Variants in NOS1 observed in about 807,000 individuals in gnomAD.
NOS1 encodes the protein nitric oxide synthase 1, also known as NOS type I.
NOS1 carries 51 observed loss-of-function variants against 164.5 expected under a neutral mutation model. That is an observed-to-expected ratio of 0.31 (90% CI 0.25 to 0.39). The LOEUF is 0.39. Among genes scored for constraint, NOS1 ranks in the 10% least tolerant of loss-of-function variants. NOS1 has a pLI of 1.00. For synonymous variants in NOS1, 719 were observed against 745.8 expected (o/e 0.96, Z 0.59); for missense variants, 1,362 against 1,885.6 (o/e 0.72, Z 5.14).
At chr12:117,323,962 T>A (rs868087207) in intron 2 of NOS1, among the ~76,000 whole-genome samples, 24 of 151,740 alleles carry the variant, frequency 1.6e-4, no homozygotes, top group East Asian at 7.7e-4. Flanking sequence ...TTTTTTTTTT[T>A]TATATTTAGC....
At chr12:117,244,814 T>C (rs914487640) in intron 18 of NOS1, among the ~76,000 whole-genome samples, 2 of 152,160 alleles carry the variant, frequency 1.3e-5, no homozygotes, top group African/African-American at 4.8e-5. Flanking sequence ...GACCACATAT[T>C]ATATGATTCC....
At position 117,215,165 on chromosome 12, in the gene NOS1, G is replaced by T; in HGVS notation, c.*144C>A. Reference sequence around the variant, plus strand: ...CAGGAGGGCCGAGGAAACCACTGAGGGGCGAGAAGCCCGAGGAGGGAAACC... The same window carrying T: ...CAGGAGGGCCGAGGAAACCACTGAGTGGCGAGAAGCCCGAGGAGGGAAACC... On this transcript the variant is annotated 3_prime_UTR_variant, in exon 29 of 29. Coordinates refer to ENST00000317775, the MANE Select transcript of NOS1 (RefSeq NM_000620.5). 7.5e-7 allele frequency: 1 copy of T among 1,328,788 alleles called. No homozygotes were observed. 82.3% of individuals were successfully genotyped at this position (1,328,788 alleles called of 1,614,324 possible). A position where few individuals can be genotyped will look rare whatever the true frequency, so the allele number is the denominator to read the frequency against.
At chr12:117,262,616 G>A (rs1280246040) in intron 13 of NOS1, among the ~76,000 whole-genome samples, 1 of 152,028 alleles carries the variant, frequency 6.6e-6, no homozygotes, top group African/African-American at 2.4e-5. Context: ...CTTGTCTCTG[G>A]GGCCCATGGC....
rs770311713 is a variant in NOS1, at chr12:117,333,530, T to TG, written c.-420-2042dup. 5.9e-5 allele frequency among the ~76,000 whole-genome samples: 9 copies of TG among 151,768 alleles called. No homozygotes were observed. The South Asian group carries it at 1.0e-3, about 18-fold the overall frequency. On this transcript the variant is annotated intron_variant, in intron 1 of 28. Transcript: ENST00000317775. ...GGTGCCACCTCCTGGATCCCCTCAATGGGGGGGTGTGTGGGGGGGATAATT... is the reference window on the plus strand; with the variant it reads ...GGTGCCACCTCCTGGATCCCCTCAATGGGGGGGGTGTGTGGGGGGGATAATT...
At chr12:117,256,878 C>G (rs535407838) in intron 16 of NOS1, among the ~76,000 whole-genome samples, 1 of 151,872 alleles carries the variant, frequency 6.6e-6, no homozygotes, top group African/African-American at 2.4e-5. Context: ...TCGAGACCAG[C>G]CTGGCAAACA....
intron 1 of NOS1, 65 bp from the exon 2 acceptor site, chr12:117,331,554 A>G (rs926830953): frequency 6.5e-6 from 1 of 154,204 alleles, no homozygotes; most frequent in African/African-American, 2.4e-5. Context: ...AGAGTGCCCA[A>G]CACCACCTTG....
chr12:117,357,437 C>T (rs1474189945), intron 1 of NOS1, among the ~76,000 whole-genome samples: 1 of 152,136 alleles, frequency 6.6e-6, no homozygotes, highest in Admixed American at 6.5e-5. Context: ...CTTTAAAGTC[C>T]GGCATTTACG....
intron 13 of NOS1, among the ~76,000 whole-genome samples, chr12:117,263,050 T>G (rs1005053073): frequency 6.6e-6 from 1 of 152,138 alleles, no homozygotes; most frequent in Non-Finnish European, 1.5e-5. Context: ...ACAGCTGCCA[T>G]GTTTACTGTA....
chr12:117,351,353 C>A (rs1051779411), intron 1 of NOS1, among the ~76,000 whole-genome samples: 1 of 152,194 alleles, frequency 6.6e-6, no homozygotes, highest in African/African-American at 2.4e-5. Context: ...CAAAGGGCTT[C>A]GGTAACACTG....
Position 117,243,363 on chromosome 12 carries a change from C to T in NOS1, c.2896G>A (p.Asp966Asn). The change falls in exon 19 of 29, where the codon GAT becomes AAT. Residue 966 changes from aspartate (D) to asparagine (N), a missense_variant. Asp to Asn is a conservative substitution (Grantham distance 23). Coordinates refer to ENST00000317775, the MANE Select transcript of NOS1 (RefSeq NM_000620.5). The surrounding 1 kb of genome is among the most constrained non-coding windows in gnomAD (Gnocchi z 4.3). The stretch of plus-strand genomic sequence containing the variant: ...AACTTGTTTCTCTTCCAGCTGCGAT[C>T]ATTGCTGATGAGGGAATTGTTGGCC... Reference protein sequence around the residue: ...EKANNSLISNDRSWKRNKFRL... With the variant: ...EKANNSLISNNRSWKRNKFRL... 6.2e-7 allele frequency: 1 copy of T among 1,614,160 alleles called. No homozygotes were observed. Among genetic ancestry groups the T allele is most frequent in the Non-Finnish European group, 8.5e-7 (1 of 1,180,038 alleles).
Position 117,331,166 on chromosome 12 carries a change from G to A in NOS1, c.-97C>T. ...GGATCCAGGCTTCAGGCTACACGGA[G>A]AGCAGGAGCCGGGGTGACAGGTGCT... On this transcript the variant is annotated 5_prime_UTR_variant, in exon 2 of 29. Transcript: ENST00000317775. 9 of 1,463,328 alleles carry A rather than the reference G, an allele frequency of 6.2e-6. No individual in the cohort carries two copies. The highest frequency in any genetic ancestry group is 4.0e-5 in the South Asian group (3 of 75,420). The allele number at this position is 1,463,328 out of a possible 1,614,324, so 90.6% of individuals were successfully genotyped here.
chr12:117,242,606 A>G, intron 20 of NOS1, 21 bp downstream of exon 20: 1 of 1,606,598 alleles, frequency 6.2e-7, no homozygotes, highest in Non-Finnish European at 8.5e-7. Context: ...TAGGTAACCC[A>G]GTGAACCAAG....
chr12:117,221,130 T>TTTTTTTTATTTATTTA (rs1555247741), intron 26 of NOS1, among the ~76,000 whole-genome samples: 2 of 146,116 alleles, frequency 1.4e-5, no homozygotes, highest in African/African-American at 5.1e-5. Flanking sequence ...TTAAATTTAT[T>TTTTTTTTATTTATTTA]TTTATTTATT....
Position 117,225,145 on chromosome 12 carries a change from A to T in NOS1, c.3705-8T>A. ...AGGTGGAAGCTGGGTGCTCTGGGCAAGGAAGAGGGGGTCAGAAGTCTTGCA... is the reference window on the plus strand; with the variant it reads ...AGGTGGAAGCTGGGTGCTCTGGGCATGGAAGAGGGGGTCAGAAGTCTTGCA... On this transcript the variant is annotated splice_region_variant and splice_polypyrimidine_tract_variant and intron_variant, in intron 24 of 28. Coordinates refer to ENST00000317775, the MANE Select transcript of NOS1 (RefSeq NM_000620.5). 6.2e-7 allele frequency: 1 copy of T among 1,608,650 alleles called. No individual in the cohort carries two copies.
intron 2 of NOS1, among the ~76,000 whole-genome samples, chr12:117,323,581 G>A (rs1875091287): frequency 6.6e-6 from 1 of 152,068 alleles, no homozygotes; most frequent in Non-Finnish European, 1.5e-5. Flanking sequence ...CCAATTAATT[G>A]ACATAGAGAC....
At chr12:117,335,729 TGAGAGAGAGAGAGAGA>T (rs60613906) in intron 1 of NOS1, among the ~76,000 whole-genome samples, 23 of 112,590 alleles carry the variant, frequency 2.0e-4, no homozygotes, top group Admixed American at 8.6e-4. Context: ...ACAGACTATA[TGAGAGAGAGAGAGAGA>T]GAGAGAGAGA....
intron 16 of NOS1, among the ~76,000 whole-genome samples, chr12:117,256,498 G>T (rs189009878): frequency 6.6e-6 from 1 of 151,486 alleles, no homozygotes; most frequent in East Asian, 2.0e-4. Context: ...GGCTGGTCTC[G>T]AACTCCTGAC....
chr12:117,297,748 G>A (rs1873518882), intron 3 of NOS1, among the ~76,000 whole-genome samples: 1 of 152,116 alleles, frequency 6.6e-6, no homozygotes, highest in African/African-American at 2.4e-5. Context: ...CTGGGCAGTG[G>A]ACAGAGGGAG....
Position 117,331,312 on chromosome 12 carries a change from T to C in NOS1, c.-243A>G, listed in dbSNP as rs1490028765. ...CTCTCCTTATTCTCTAAGGAAGTGA[T>C]GGTTGACCAGGCAGACGTCAAGAGA... On this transcript the variant is annotated 5_prime_UTR_variant, in exon 2 of 29. Coordinates refer to ENST00000317775, the MANE Select transcript of NOS1 (RefSeq NM_000620.5). 1 of 524,734 alleles carries C rather than the reference T, an allele frequency of 1.9e-6. No individual in the cohort carries two copies. The highest frequency in any genetic ancestry group is 2.7e-5 in the South Asian group (1 of 36,760). 32.5% of individuals were successfully genotyped at this position (524,734 alleles called of 1,614,324 possible).
Sources: gnomAD v4.1 joint callset for allele counts (sites outside exome capture counted in the v4.1 genomes callset) on GRCh38, gnomAD v4.1.1 for gene constraint, Gnocchi (gnomAD v3.1) non-coding constraint, MANE v1.5 for transcripts, NCBI Gene and HGNC (gene_info 2026-07-23, HGNC 2026-07-21) for gene names.